Variants in CIRSR observed in about 807,000 individuals in gnomAD.
CIRSR encodes the protein CBF1 (RBPJ) interacting corepressor 1.
the CIRSR span, chr2:174,350,681 T>C: frequency 6.2e-7 from 1 of 1,606,792 alleles, no homozygotes; most frequent in East Asian, 2.2e-5. Context: ...CTGTTTTTGT[T>C]TGGTTGTTAG....
At chr2:174,350,601 G>T in the CIRSR span, 1 of 1,092,234 alleles carries the variant, frequency 9.2e-7, no homozygotes, top group Non-Finnish European at 1.3e-6. Flanking sequence ...AGTTGAATAC[G>T]ATACTGAGAT....
chr2:174,388,263 A>C, the CIRSR span, among the ~76,000 whole-genome samples: 622 of 152,296 alleles, frequency 4.1e-3, 6 homozygotes, highest in African/African-American at 0.014. Flanking sequence ...CAATGGCATG[A>C]TCTTGGCTCA....
the CIRSR span, among the ~76,000 whole-genome samples, chr2:174,393,778 T>A: frequency 1.3e-5 from 2 of 151,928 alleles, no homozygotes; most frequent in African/African-American, 4.8e-5. Flanking sequence ...GACAAGTATA[T>A]CCCTGTGAAA....
the CIRSR span, among the ~76,000 whole-genome samples, chr2:174,384,858 T>C: frequency 6.6e-6 from 1 of 152,236 alleles, no homozygotes; most frequent in South Asian, 2.1e-4. Context: ...AACTGAAAAT[T>C]TACATAGATT....
chr2:174,384,431 G>A, the CIRSR span, among the ~76,000 whole-genome samples: 4 of 152,062 alleles, frequency 2.6e-5, no homozygotes, highest in Admixed American at 6.5e-5. Context: ...TTGAGATAAC[G>A]AAAAAGTTTT....
chr2:174,381,552 C>T, the CIRSR span: 1 of 565,152 alleles, frequency 1.8e-6, no homozygotes, highest in Non-Finnish European at 3.1e-6. Flanking sequence ...ACTCGGGAGG[C>T]TGAGGCAGGA....
At chr2:174,388,907 G>C in the CIRSR span, among the ~76,000 whole-genome samples, 1 of 152,126 alleles carries the variant, frequency 6.6e-6, no homozygotes, top group Non-Finnish European at 1.5e-5. Flanking sequence ...CACAAGATCT[G>C]ATGGTTTTAT....
chr2:174,373,368 A>G, the CIRSR span, among the ~76,000 whole-genome samples: 1 of 152,184 alleles, frequency 6.6e-6, no homozygotes, highest in Non-Finnish European at 1.5e-5. Context: ...TTTACAACAC[A>G]CCAGTAACTC....
chr2:174,366,681 AAGAC>A, the CIRSR span, among the ~76,000 whole-genome samples: 1 of 152,190 alleles, frequency 6.6e-6, no homozygotes, highest in Admixed American at 6.5e-5. Context: ...ACTGATCTAA[AAGAC>A]AGGTTTGTTC....
chr2:174,353,426 T>C, the CIRSR span, among the ~76,000 whole-genome samples: 8 of 152,196 alleles, frequency 5.3e-5, no homozygotes, highest in Admixed American at 1.3e-4. Flanking sequence ...TTAATACTGG[T>C]TGCCTCTAAA....
At chr2:174,364,458 C>G in the CIRSR span, among the ~76,000 whole-genome samples, 1 of 152,224 alleles carries the variant, frequency 6.6e-6, no homozygotes, top group African/African-American at 2.4e-5. Flanking sequence ...CACAGCTCTA[C>G]TAAGCAGTGC....
the CIRSR span, among the ~76,000 whole-genome samples, chr2:174,388,078 G>A: frequency 6.6e-6 from 1 of 152,140 alleles, no homozygotes; most frequent in East Asian, 1.9e-4. Context: ...AGCCGTCCTG[G>A]GCCACATGTG....
chr2:174,372,486 C>T, the CIRSR span, among the ~76,000 whole-genome samples: 1 of 152,196 alleles, frequency 6.6e-6, no homozygotes, highest in Non-Finnish European at 1.5e-5. Context: ...AGGTTGTAAA[C>T]AATGTCCATA....
the CIRSR span, among the ~76,000 whole-genome samples, chr2:174,356,007 C>T: frequency 1.3e-5 from 2 of 152,132 alleles, no homozygotes; most frequent in African/African-American, 4.8e-5. Context: ...CTCCTGACCT[C>T]GTGATCCACC....
At chr2:174,350,601 G>A in the CIRSR span, 80 of 1,092,114 alleles carry the variant, frequency 7.3e-5, no homozygotes, top group Middle Eastern at 2.1e-4. Context: ...AGTTGAATAC[G>A]ATACTGAGAT....
chr2:174,368,293 A>C, the CIRSR span, among the ~76,000 whole-genome samples: 1 of 152,216 alleles, frequency 6.6e-6, no homozygotes, highest in Non-Finnish European at 1.5e-5. Flanking sequence ...CTTGTATAGA[A>C]CATTCACCAA....
chr2:174,378,942 C>T, the CIRSR span: 47 of 1,612,602 alleles, frequency 2.9e-5, no homozygotes, highest in South Asian at 4.2e-4. Context: ...CAGTGGGAAC[C>T]GAACTTGCAT....
At chr2:174,356,245 C>T in the CIRSR span, among the ~76,000 whole-genome samples, 4 of 151,902 alleles carry the variant, frequency 2.6e-5, no homozygotes, top group African/African-American at 7.3e-5. Flanking sequence ...GCGGGTGGAT[C>T]GCCTGAGTCC....
chr2:174,349,055 G>A, the CIRSR span: 1 of 1,592,792 alleles, frequency 6.3e-7, no homozygotes, highest in Non-Finnish European at 8.6e-7. Context: ...AAGAGGAGGA[G>A]GAGGAGGAAG....
Sources: allele counts gnomAD v4.1 joint callset (sites outside exome capture counted in the v4.1 genomes callset), GRCh38; gene constraint gnomAD v4.1.1; transcripts MANE v1.5; gene names NCBI Gene and HGNC (gene_info 2026-07-23, HGNC 2026-07-21).